Variants in SETD2 observed in about 807,000 individuals in gnomAD.
The protein encoded by SETD2 is SET domain containing 2, histone lysine methyltransferase.
SETD2 carries 31 observed loss-of-function variants against 242.1 expected under a neutral mutation model. The observed-to-expected ratio is 0.13, with a 90% CI of 0.10 to 0.17. The LOEUF is 0.17. SETD2 is among the 10% of genes least tolerant of loss of function. The probability of loss-of-function intolerance (pLI) is 1.00; values close to 1 mark genes in which losing one functional copy is unlikely to be tolerated. For synonymous variants in SETD2, 1,006 were observed against 1,066.5 expected, an observed-to-expected ratio of 0.94 and a Z score of 1.11; for missense variants, 2,481 against 3,046.3, an observed-to-expected ratio of 0.81 and a Z score of 4.37.
At chr3:47,077,709 C>T (rs558731723) in intron 12 of SETD2, among the ~76,000 whole-genome samples, 6 of 152,096 alleles carry the variant, frequency 3.9e-5, no homozygotes, top group South Asian at 2.1e-4. Context: ...CATTTCCCAA[C>T]GCGAGGAACA....
intron 18 of SETD2, among the ~76,000 whole-genome samples, chr3:47,028,265 G>A (rs1434414667): frequency 6.6e-6 from 1 of 152,084 alleles, no homozygotes; most frequent in East Asian, 1.9e-4. Context: ...CCAGACTCTG[G>A]GGCAGAGAGG....
chr3:47,075,948 A>C (rs1202455867), intron 12 of SETD2, among the ~76,000 whole-genome samples: 2 of 152,266 alleles, frequency 1.3e-5, no homozygotes, highest in Admixed American at 6.5e-5. Context: ...GACTTTCTTC[A>C]TATTTTCATT....
chr3:47,055,349 T>C (rs888320189), intron 15 of SETD2, among the ~76,000 whole-genome samples: 2 of 152,038 alleles, frequency 1.3e-5, no homozygotes, highest in Non-Finnish European at 1.5e-5. Context: ...TAATGAGGAG[T>C]GCTGGGAGAG....
intron 9 of SETD2, among the ~76,000 whole-genome samples, chr3:47,096,329 C>T (rs1041289910): frequency 1.3e-5 from 2 of 152,108 alleles, no homozygotes; most frequent in Non-Finnish European, 2.9e-5. Context: ...AATTTATGAG[C>T]TTATTGTGAG....
intron 3 of SETD2, 71 bp downstream of exon 3, chr3:47,120,111 A>G: frequency 3.2e-6 from 4 of 1,236,138 alleles, no homozygotes; most frequent in Non-Finnish European, 4.5e-6. Context: ...TACAGTCTGA[A>G]TTGTTTAAAG....
In SETD2 at chr3:47,086,121, T is replaced by C; in HGVS notation, c.5397+74A>G. On this transcript the variant is annotated intron_variant, in intron 11 of 20. Coordinates refer to ENST00000409792, the MANE Select transcript of SETD2 (RefSeq NM_014159.7). ...ACAGTGCTAAATTCATAATTACTGA[T>C]ATTATCACATATCCACAACCGAGGC... 3 of 1,508,602 alleles carry C rather than the reference T, an allele frequency of 2.0e-6. No homozygotes were observed. In the South Asian group the frequency reaches 3.4e-5, roughly 17 times the overall value. The allele number at this position is 1,508,602 out of a possible 1,614,324, so 93.5% of individuals were successfully genotyped here.
chr3:47,154,173 G>A (rs2044068873), intron 1 of SETD2, among the ~76,000 whole-genome samples: 1 of 152,168 alleles, frequency 6.6e-6, no homozygotes, highest in South Asian at 2.1e-4. Flanking sequence ...CACTTTGGGA[G>A]GCCAAGGAGG....
At chr3:47,049,938 C>T (rs927042170) in intron 15 of SETD2, among the ~76,000 whole-genome samples, 1 of 144,034 alleles carries the variant, frequency 6.9e-6, no homozygotes, top group African/African-American at 2.5e-5. Flanking sequence ...TAAACTTATT[C>T]TATAAGTTTA....
At position 47,121,126 on chromosome 3, in the gene SETD2, A is replaced by G. The variant is rs148902202; in HGVS notation, c.3510T>C (p.Ser1170=). Residue 1170 remains serine, a synonymous_variant, in exon 3 of 21, where the codon AGT becomes AGC. Transcript: ENST00000409792. ...CAGATTTCACATCTGTATGACTTGT[A>G]CTATCAACCCCATCACTCTGAGGAT... ...LSHPQSDGVD[S]TSHTDVKSDP... 4 of 1,614,042 alleles carry G rather than the reference A, an allele frequency of 2.5e-6. No homozygotes were observed. In the African/African-American group the frequency reaches 5.3e-5, roughly 22 times the overall value.
intron 5 of SETD2, among the ~76,000 whole-genome samples, chr3:47,112,302 A>C (rs1375071969): frequency 6.6e-6 from 1 of 151,522 alleles, no homozygotes; most frequent in Non-Finnish European, 1.5e-5. Context: ...GTTTTTTGAG[A>C]CAGAGTTTCA....
chr3:47,101,679 G>C, intron 7 of SETD2, 124 bp from the exon 8 acceptor site: 1 of 546,516 alleles, frequency 1.8e-6, no homozygotes, highest in South Asian at 3.1e-5. Flanking sequence ...TATGCAAGTG[G>C]GTCTTTAGGC....
intron 3 of SETD2, chr3:47,119,589 C>T (rs940251514): frequency 1.1e-5 from 3 of 267,656 alleles, no homozygotes; most frequent in Non-Finnish European, 2.2e-5. Context: ...AGGGTTTTCA[C>T]TTTTGCTTCT....
chr3:47,150,513 C>A lies in SETD2; in HGVS notation c.71+13341G>T, dbSNP rs2043960150. Among the ~76,000 whole-genome samples the A allele has an allele frequency of 2.0e-5, 3 of 151,920 alleles. No homozygotes were observed. The South Asian group carries it at 6.2e-4, about 32-fold the overall frequency. On this transcript the variant is annotated intron_variant, in intron 1 of 20. Transcript: ENST00000409792. The stretch of plus-strand genomic sequence containing the variant: ...AGCTTACCCTTAGTTTAAGGATTAC[C>A]CATCCTGGAAAATACACAAGTACAA...
At chr3:47,039,711 CA>C (rs554753105) in intron 17 of SETD2, among the ~76,000 whole-genome samples, 26,127 of 101,532 alleles carry the variant, frequency 0.26, 3,131 homozygotes, top group African/African-American at 0.32. Flanking sequence ...ACCGAAAATA[CA>C]AAAAAAAAAA....
intron 4 of SETD2, among the ~76,000 whole-genome samples, chr3:47,114,215 T>C (rs2042766949): frequency 6.6e-6 from 1 of 152,224 alleles, no homozygotes; most frequent in South Asian, 2.1e-4. Context: ...AAACAGATCA[T>C]ACCCACAATA....
At chr3:47,159,960 G>A (rs1294895979) in intron 1 of SETD2, among the ~76,000 whole-genome samples, 2 of 150,782 alleles carry the variant, frequency 1.3e-5, no homozygotes, top group African/African-American at 4.9e-5. Flanking sequence ...GGGGGACAGA[G>A]TGAGACTCCA....
chr3:47,157,553 C>G (rs968820904), intron 1 of SETD2: 1 of 455,968 alleles, frequency 2.2e-6, no homozygotes, highest in African/African-American at 2.0e-5. Context: ...TTCTTTCTAG[C>G]TGACTTGTTC....
intron 3 of SETD2, among the ~76,000 whole-genome samples, chr3:47,119,961 T>C (rs935714017): frequency 2.0e-5 from 3 of 149,172 alleles, no homozygotes; most frequent in Non-Finnish European, 3.0e-5. Flanking sequence ...AAGAAAAAAA[T>C]AGACATCTCC....
chr3:47,105,410 TAA>T (rs11391574), intron 6 of SETD2, among the ~76,000 whole-genome samples: 3 of 122,594 alleles, frequency 2.4e-5, no homozygotes, highest in Non-Finnish European at 1.7e-5. Flanking sequence ...ACACTATCTC[TAA>T]AAAAAAAAAA....
Sources: allele counts gnomAD v4.1 joint callset (sites outside exome capture counted in the v4.1 genomes callset), GRCh38; gene constraint gnomAD v4.1.1; transcripts MANE v1.5; gene names NCBI Gene and HGNC (gene_info 2026-07-23, HGNC 2026-07-21).